Variants in MTRF1 observed in about 807,000 individuals in gnomAD.
MTRF1 encodes peptide chain release factor 1, mitochondrial.
Under a neutral mutation model 62.9 loss-of-function variants are expected in MTRF1, and 51 were observed. The observed-to-expected ratio is 0.81, with a 90% CI of 0.65 to 1.02. MTRF1 has a LOEUF of 1.02. MTRF1 is among the 50% of genes least tolerant of loss of function. MTRF1 has a pLI of 0.00. For missense variants in MTRF1, 446 were observed against 530.0 expected (o/e 0.84, Z 1.56); for synonymous variants, 158 against 181.9 (o/e 0.87, Z 1.06).
At chr13:41,256,557 C>A (rs1362755134) in intron 2 of MTRF1, among the ~76,000 whole-genome samples, 1 of 152,086 alleles carries the variant, frequency 6.6e-6, no homozygotes, top group Non-Finnish European at 1.5e-5. Context: ...ATCTCCTGAC[C>A]TCCTGATCCA....
At chr13:41,310,012 A>C in the MTRF1 span, among the ~76,000 whole-genome samples, 1 of 152,226 alleles carries the variant, frequency 6.6e-6, no homozygotes, top group Non-Finnish European at 1.5e-5. Context: ...AAGGAAAATA[A>C]AAAAGGGCAG....
intron 6 of MTRF1, chr13:41,236,191 C>A (rs1487280035): frequency 1.3e-5 from 2 of 152,024 alleles, no homozygotes; most frequent in Non-Finnish European, 2.9e-5. Context: ...TCAGAATTCA[C>A]TGCAACCTCT....
intron 9 of MTRF1, among the ~76,000 whole-genome samples, chr13:41,222,761 A>G (rs2033655471): frequency 6.6e-6 from 1 of 152,208 alleles, no homozygotes; most frequent in Non-Finnish European, 1.5e-5. Context: ...TCTGCTGGCA[A>G]CCACATAAAC....
At chr13:41,223,501 G>T in intron 8 of MTRF1, 147 bp from the exon 9 acceptor site, 1 of 634,576 alleles carries the variant, frequency 1.6e-6, no homozygotes, top group Non-Finnish European at 2.7e-6. Flanking sequence ...AGAATGGGCA[G>T]AACTTAATGT....
chr13:41,311,588 T>C, the MTRF1 span: 10 of 1,605,372 alleles, frequency 6.2e-6, no homozygotes, highest in Non-Finnish European at 6.0e-6. Context: ...TCTTGGTGAG[T>C]GGCCGTAGGC....
chr13:41,247,531 C>A (rs1388030399), intron 5 of MTRF1, among the ~76,000 whole-genome samples: 2 of 152,192 alleles, frequency 1.3e-5, no homozygotes, highest in East Asian at 3.8e-4. Context: ...CTCCAGGATC[C>A]ACCTGTCTTC....
rs747672155 is a variant in MTRF1 at position 41,252,703 on chromosome 13, A to G, written c.639T>C (p.Asn213=). Residue 213 remains asparagine, a synonymous_variant, in exon 5 of 10, where the codon AAT becomes AAC. Transcript: ENST00000379480. The stretch of plus-strand genomic sequence containing the variant: ...ATTGCCAGTGTTTATAGCACGAATA[A>G]TTCTGGTACATGTCAAATATTTCTC... ...FTREIFDMYQ[N]YSCYKHWQFE... 6.2e-7 allele frequency: 1 copy of G among 1,613,770 alleles called. No individual in the cohort carries two copies. The highest frequency in any genetic ancestry group is 1.1e-5 in the South Asian group (1 of 91,080).
chr13:41,234,807 C>T (rs1296169996), intron 6 of MTRF1, among the ~76,000 whole-genome samples: 1 of 152,318 alleles, frequency 6.6e-6, no homozygotes, highest in Non-Finnish European at 1.5e-5. Context: ...CAAGGTAACA[C>T]TCTGCCTTCT....
chr13:41,223,760 G>A (rs1053418031), intron 8 of MTRF1, among the ~76,000 whole-genome samples: 3 of 152,138 alleles, frequency 2.0e-5, no homozygotes, highest in Non-Finnish European at 4.4e-5. Flanking sequence ...GATGCACACG[G>A]CGGGAGAGAC....
chr13:41,306,051 G>C, the MTRF1 span, among the ~76,000 whole-genome samples: 1 of 152,142 alleles, frequency 6.6e-6, no homozygotes, highest in Non-Finnish European at 1.5e-5. Flanking sequence ...ATGAGATGAA[G>C]AACTCAAAGG....
In MTRF1 at chr13:41,226,509, G is replaced by A. The variant is rs376093788; in HGVS notation, c.1048C>T (p.Arg350Cys). The change falls in exon 8 of 10, where the codon CGT (arginine) becomes TGT (cysteine). Residue 350 changes from arginine to cysteine, a missense_variant. Arg to Cys is a radical substitution (Grantham distance 180). Coordinates refer to ENST00000379480, the MANE Select transcript of MTRF1 (RefSeq NM_004294.4). ...TGGTAGAGTCTAGCTCTCAACACAC[G>A]AAAGGCTATTTCTTTATTTTTTATC... ...SQIKNKEIAF[R>C]VLRARLYQQI... The A allele has an allele frequency of 6.6e-5, 106 of 1,613,810 alleles. No homozygotes were observed. The highest frequency in any genetic ancestry group is 1.1e-4 in the African/African-American group (8 of 75,022).
the MTRF1 span, among the ~76,000 whole-genome samples, chr13:41,304,395 C>T: frequency 6.6e-6 from 1 of 152,154 alleles, no homozygotes; most frequent in African/African-American, 2.4e-5. Context: ...TTGTCTCAGC[C>T]TCACAAGTAG....
intron 6 of MTRF1, among the ~76,000 whole-genome samples, chr13:41,237,388 C>T (rs2036819729): frequency 6.6e-6 from 1 of 151,496 alleles, no homozygotes; most frequent in Non-Finnish European, 1.5e-5. Context: ...AAAATCAAAT[C>T]CTAAAATGAA....
chr13:41,311,195 G>GC, the MTRF1 span: 11 of 460,710 alleles, frequency 2.4e-5, no homozygotes, highest in South Asian at 1.3e-4. Flanking sequence ...GTCACCCGCA[G>GC]CCCCTCGCCA....
At chr13:41,242,105 T>C (rs4942028) in intron 5 of MTRF1, among the ~76,000 whole-genome samples, 148,697 of 152,340 alleles carry the variant, frequency 0.98, 72,675 homozygotes, top group East Asian at 1. Flanking sequence ...GTCCCTTTTA[T>C]CAGTTCTACC....
At chr13:41,256,471 C>T (rs1386408760) in intron 2 of MTRF1, among the ~76,000 whole-genome samples, 3 of 151,938 alleles carry the variant, frequency 2.0e-5, no homozygotes, top group Non-Finnish European at 4.4e-5. Flanking sequence ...AGATTACAGG[C>T]GCGCACCACC....
rs765549466 is a variant in MTRF1 at position 41,254,604 on chromosome 13, A to G, written c.432T>C (p.Asp144=). ...ESMCKSLNKQ[D]EKQLQELALE... is the part of the protein sequence containing the mutation. ...GTGCAAGTTCTTGTAACTGCTTTTC[A>G]TCTTGTTTATTTAGGCCTAAAAGCC... The change falls in exon 3 of 10, where the codon GAT becomes GAC. Residue 144 remains aspartate (D), a synonymous_variant. Transcript: ENST00000379480. 2.1e-5 allele frequency: 34 copies of G among 1,613,080 alleles called. 1 individual carries two copies. Among genetic ancestry groups the G allele is most frequent in the Non-Finnish European group, 7.6e-6 (9 of 1,179,544 alleles).
intron 9 of MTRF1, 108 bp downstream of exon 9, chr13:41,223,148 C>T (rs1214612031): frequency 1.6e-6 from 1 of 643,206 alleles, no homozygotes; most frequent in South Asian, 4.1e-5. Context: ...ATTTAAATTA[C>T]TTGGTAATAT....
chr13:41,234,395 T>C (rs915325308), intron 6 of MTRF1, among the ~76,000 whole-genome samples: 3 of 152,122 alleles, frequency 2.0e-5, no homozygotes, highest in Non-Finnish European at 4.4e-5. Context: ...CCCAGGCTGG[T>C]CTTGAACTCC....
Sources: allele counts gnomAD v4.1 joint callset (sites outside exome capture counted in the v4.1 genomes callset), GRCh38; gene constraint gnomAD v4.1.1; transcripts MANE v1.5; gene names NCBI Gene and HGNC (gene_info 2026-07-23, HGNC 2026-07-21).